The following ZNF831 variants were observed in gnomAD, a reference collection of about 807,000 sequenced individuals.
ZNF831 encodes zinc finger protein 831.
In ZNF831, 59 loss-of-function variants were observed where a neutral mutation model predicts 95.8. The ratio of observed to expected loss-of-function variants is 0.62; its 90% CI spans 0.50 to 0.77. The LOEUF (loss-of-function observed/expected upper bound fraction) is 0.77, where lower values mean the gene tolerates loss of function less well. Among genes scored for constraint, ZNF831 ranks in the 30% least tolerant of loss-of-function variants. ZNF831 has a pLI of 0.00. For missense variants in ZNF831, 2,205 were observed against 2,164.0 expected (o/e 1.02, Z -0.38); for synonymous variants, 961 against 925.5 (o/e 1.04, Z -0.70).
chr20:59,210,207 T>C (rs1985196728), intron 4 of ZNF831, among the ~76,000 whole-genome samples: 1 of 152,236 alleles, frequency 6.6e-6, no homozygotes, highest in Non-Finnish European at 1.5e-5. Flanking sequence ...AGTTCTATTA[T>C]AAACCTAATA....
At chr20:59,205,316 T>G (rs1052711944) in intron 3 of ZNF831, among the ~76,000 whole-genome samples, 4 of 152,166 alleles carry the variant, frequency 2.6e-5, no homozygotes, top group Non-Finnish European at 5.9e-5. Flanking sequence ...CTCCCCACCC[T>G]GGCTCAGATA....
chr20:59,160,769 A>C (rs1197946806), upstream of ZNF831: 1 of 149,978 alleles, frequency 6.7e-6, no homozygotes, highest in Non-Finnish European at 1.5e-5. Context: ...TCGGACACAC[A>C]GGATTTCTCA....
intron 1 of ZNF831, among the ~76,000 whole-genome samples, chr20:59,183,505 G>T (rs917837640): frequency 1.3e-5 from 2 of 152,196 alleles, no homozygotes; most frequent in African/African-American, 4.8e-5. Context: ...TTAATGGTTC[G>T]TAGGGAAAAT....
chr20:59,216,715 C>T (rs1314330140), intron 4 of ZNF831, among the ~76,000 whole-genome samples: 16 of 152,002 alleles, frequency 1.1e-4, no homozygotes, highest in Admixed American at 2.0e-4. Context: ...GCATGGGGGA[C>T]GGGCGCAGGT....
rs571315429 is a variant in ZNF831 at position 59,144,464 on chromosome 20, CT to C, written c.-1424-1766del. On this transcript the variant is annotated intron_variant, in intron 1 of 7. Coordinates refer to the ZNF831 transcript ENST00000637017. Reference sequence around the variant, plus strand: ...TCCTTGGCTTCTACCCGCTAGAGGCCTAGCACCCTGCCCTAGTTATGACAAT... The same window carrying C: ...TCCTTGGCTTCTACCCGCTAGAGGCCAGCACCCTGCCCTAGTTATGACAAT... Among the ~76,000 whole-genome samples, 237 of 152,256 alleles carry C rather than the reference CT, an allele frequency of 1.6e-3. 3 individuals carry two copies. The highest frequency in any genetic ancestry group is 5.6e-3 in the African/African-American group (232 of 41,550).
chr20:59,184,511 T>G (rs1032251472), intron 1 of ZNF831, among the ~76,000 whole-genome samples: 2 of 152,154 alleles, frequency 1.3e-5, no homozygotes, highest in African/African-American at 4.8e-5. Flanking sequence ...GCATTCACAT[T>G]GCATGCATCC....
In ZNF831 at chr20:59,253,896, A is replaced by T. The variant is rs2146760751; in HGVS notation, c.4189-2A>T. 1 of 882,804 alleles carries T rather than the reference A, an allele frequency of 1.1e-6. No individual in the cohort carries two copies. The allele number at this position is 882,804 out of a possible 1,614,324, so 54.7% of individuals were successfully genotyped here. ...TTTTTTTTCCTTTGCACTTTGTTGC[A>T]GGATATTTCTCCATCTGCTGGTGAG... On this transcript the variant is annotated splice_acceptor_variant, in intron 5 of 5. Coordinates refer to ENST00000371030, the MANE Select transcript of ZNF831 (RefSeq NM_178457.3). LOFTEE classifies it high-confidence loss of function.
At chr20:59,160,727 A>G (rs1346026451), upstream of ZNF831, 1 of 151,594 alleles carries the variant, frequency 6.6e-6, no homozygotes, top group Non-Finnish European at 1.5e-5. Flanking sequence ...ATGGCCAATG[A>G]GAGAGTTATT....
At position 59,144,345 on chromosome 20, in the gene ZNF831, C is replaced by T. The variant is rs559667282; in HGVS notation, c.-1424-1886C>T. 2.6e-5 allele frequency among the ~76,000 whole-genome samples: 4 copies of T among 152,220 alleles called. No homozygotes were observed. In the South Asian group the frequency reaches 8.3e-4, roughly 32 times the overall value. On this transcript the variant is annotated intron_variant, in intron 1 of 7. Transcript: ENST00000637017. ...AAGGAGGCTGGAGGGGTTGCTGAGG[C>T]TGGGATTCCTCACCTTCTGCACTCC...
intron 4 of ZNF831, among the ~76,000 whole-genome samples, chr20:59,228,820 C>CA (rs1986568945): frequency 6.6e-6 from 1 of 152,164 alleles, no homozygotes; most frequent in Non-Finnish European, 1.5e-5. Context: ...GTGTTGGGAA[C>CA]ATTATAAATC....
At chr20:59,151,515 A>C (rs1232007569) in intron 2 of ZNF831, among the ~76,000 whole-genome samples, 1 of 152,096 alleles carries the variant, frequency 6.6e-6, no homozygotes, top group Non-Finnish European at 1.5e-5. Flanking sequence ...TGACAGATGA[A>C]AACCTCGAGG....
At chr20:59,186,073 C>A (rs539834813) in intron 1 of ZNF831, among the ~76,000 whole-genome samples, 10 of 152,328 alleles carry the variant, frequency 6.6e-5, no homozygotes, top group Non-Finnish European at 1.2e-4. Context: ...CACAGGCAGT[C>A]CCGATGCAGG....
chr20:59,169,397 C>T lies in ZNF831; in HGVS notation c.-37+5190C>T, dbSNP rs749352034. ...ATGTCTGCAGGGTCTGTAGTGATAGCCCATTTTCCTTCCTGACATTGATAG... is the reference window on the plus strand; with the variant it reads ...ATGTCTGCAGGGTCTGTAGTGATAGTCCATTTTCCTTCCTGACATTGATAG... On this transcript the variant is annotated intron_variant, in intron 1 of 5. Coordinates refer to ENST00000371030, the MANE Select transcript of ZNF831 (RefSeq NM_178457.3). The surrounding 1 kb of genome is among the most constrained non-coding windows in gnomAD (Gnocchi z 4.1). 2.0e-5 allele frequency among the ~76,000 whole-genome samples: 3 copies of T among 152,154 alleles called. No individual in the cohort carries two copies. Among genetic ancestry groups the T allele is most frequent in the Non-Finnish European group, 2.9e-5 (2 of 68,040 alleles).
At chr20:59,149,706 T>C (rs958570050) in intron 2 of ZNF831, among the ~76,000 whole-genome samples, 5 of 152,192 alleles carry the variant, frequency 3.3e-5, no homozygotes, top group Non-Finnish European at 4.4e-5. Context: ...CCCCAACACA[T>C]GTTTCATGCC....
chr20:59,153,206 C>G (rs1396974073), intron 2 of ZNF831, among the ~76,000 whole-genome samples: 2 of 152,248 alleles, frequency 1.3e-5, no homozygotes, highest in Non-Finnish European at 2.9e-5. Context: ...TCCCACCACC[C>G]TTGCTGCCGA....
intron 1 of ZNF831, among the ~76,000 whole-genome samples, chr20:59,143,401 G>A (rs1413559504): frequency 6.6e-6 from 1 of 152,190 alleles, no homozygotes; most frequent in East Asian, 1.9e-4. Context: ...CAGAGTCTAT[G>A]TCAGAAACTT....
intron 4 of ZNF831, among the ~76,000 whole-genome samples, chr20:59,221,680 C>G (rs1986083349): frequency 6.6e-6 from 1 of 152,218 alleles, no homozygotes; most frequent in African/African-American, 2.4e-5. Context: ...GAAATGCAAG[C>G]TCAGTTCCAA....
chr20:59,222,202 C>G (rs1043296078), intron 4 of ZNF831, among the ~76,000 whole-genome samples: 10 of 152,356 alleles, frequency 6.6e-5, no homozygotes, highest in African/African-American at 9.6e-5. Context: ...CGCAGAGCCC[C>G]GAACCCCACT....
intron 4 of ZNF831, among the ~76,000 whole-genome samples, chr20:59,221,797 G>A (rs1320943071): frequency 1.3e-5 from 2 of 152,164 alleles, no homozygotes; most frequent in Non-Finnish European, 2.9e-5. Flanking sequence ...AGACATTAGC[G>A]ATCATTTTCA....
Sources: gnomAD v4.1 joint callset for allele counts (sites outside exome capture counted in the v4.1 genomes callset) on GRCh38, gnomAD v4.1.1 for gene constraint, Gnocchi (gnomAD v3.1) non-coding constraint, MANE v1.5 for transcripts, NCBI Gene and HGNC (gene_info 2026-07-23, HGNC 2026-07-21) for gene names.